EPG5: variants seen among roughly 807,000 people sequenced by gnomAD.
The protein encoded by EPG5 is ectopic P-granules 5 autophagy tethering factor, also known as ectopic P granules protein 5 homolog.
Under a neutral mutation model 302.7 loss-of-function variants are expected in EPG5, and 159 were observed. That is an observed-to-expected ratio of 0.53 (90% CI 0.46 to 0.60). The LOEUF (loss-of-function observed/expected upper bound fraction) is 0.60. Ranked by LOEUF, EPG5 falls within the 20% of genes least tolerant of loss-of-function variation. The pLI, the probability that EPG5 is intolerant of heterozygous loss-of-function variation, is 0.00. For missense variants in EPG5, 2,896 were observed against 3,092.4 expected (o/e 0.94, Z 1.51); for synonymous variants, 1,158 against 1,136.8 (o/e 1.02, Z -0.37).
At chr18:45,874,735 C>T (rs2048936461) in intron 35 of EPG5, among the ~76,000 whole-genome samples, 1 of 152,190 alleles carries the variant, frequency 6.6e-6, no homozygotes. Flanking sequence ...TTCAAGATGA[C>T]ATTTGGGTGG....
chr18:45,846,798 G>T (rs945404661), downstream of EPG5, among the ~76,000 whole-genome samples: 3 of 152,216 alleles, frequency 2.0e-5, no homozygotes, highest in Non-Finnish European at 4.4e-5. Flanking sequence ...CCCGAGGGCT[G>T]CTGGTTGCCC....
At chr18:45,905,345 T>C (rs1456217679) in intron 24 of EPG5, among the ~76,000 whole-genome samples, 2 of 152,234 alleles carry the variant, frequency 1.3e-5, no homozygotes, top group Non-Finnish European at 2.9e-5. Context: ...CCAAAAAATG[T>C]CCTTGGCTTC....
chr18:45,829,167 CCT>C, the EPG5 span: 1 of 985,246 alleles, frequency 1.0e-6, no homozygotes, highest in African/African-American at 1.7e-5. Context: ...TGTGGCCCTG[CCT>C]CTCCATCAGC....
chr18:45,949,683 T>C (rs1286221925), intron 4 of EPG5, 92 bp from the exon 5 acceptor site: 2 of 713,084 alleles, frequency 2.8e-6, no homozygotes, highest in Non-Finnish European at 4.7e-6. Context: ...AGTGCTTCAA[T>C]ACATGCAATC....
intron 11 of EPG5, among the ~76,000 whole-genome samples, chr18:45,931,491 A>C (rs1411104999): frequency 6.6e-6 from 1 of 152,196 alleles, no homozygotes; most frequent in Non-Finnish European, 1.5e-5. Flanking sequence ...ATGACAGTAA[A>C]CTACATGCAA....
the EPG5 span, among the ~76,000 whole-genome samples, chr18:45,826,033 T>C: frequency 2.6e-5 from 4 of 152,198 alleles, no homozygotes; most frequent in Non-Finnish European, 5.9e-5. Flanking sequence ...ATATAAAGGC[T>C]ACTTGCCCCA....
In EPG5 at chr18:45,939,773, T is replaced by C; in HGVS notation, c.1944-18A>G. ...GAGTCATCCTGAGCATGAGGAAAGA[T>C]AATACAGTACTTTTCATTAGCTCAA... On this transcript the variant is annotated intron_variant, in intron 9 of 43. Coordinates refer to ENST00000282041, the MANE Select transcript of EPG5 (RefSeq NM_020964.3). 6.2e-7 allele frequency: 1 copy of C among 1,610,208 alleles called. No individual in the cohort carries two copies. Among genetic ancestry groups the C allele is most frequent in the Non-Finnish European group, 8.5e-7 (1 of 1,178,208 alleles).
chr18:45,901,915 T>C (rs538928318), intron 25 of EPG5, among the ~76,000 whole-genome samples: 1 of 152,174 alleles, frequency 6.6e-6, no homozygotes, highest in Non-Finnish European at 1.5e-5. Context: ...ACAGTAGATA[T>C]CCAATAGATT....
At chr18:45,908,844 G>C (rs531778965) in intron 23 of EPG5, among the ~76,000 whole-genome samples, 216 of 152,116 alleles carry the variant, frequency 1.4e-3, no homozygotes, top group African/African-American at 5.0e-3. Flanking sequence ...AGCTACTCAG[G>C]AGGCTGAGGC....
chr18:45,842,384 CCT>C, the EPG5 span: 1 of 592,964 alleles, frequency 1.7e-6, no homozygotes, highest in Non-Finnish European at 3.0e-6. Flanking sequence ...TTCGGAGCTC[CCT>C]GATATTTTTG....
intron 30 of EPG5, among the ~76,000 whole-genome samples, chr18:45,882,905 G>A (rs1568119467): frequency 6.6e-6 from 1 of 151,656 alleles, no homozygotes; most frequent in Non-Finnish European, 1.5e-5. Flanking sequence ...TACTCAGGAG[G>A]CTGAGACAGG....
chr18:45,964,171 T>C (rs2051202184), intron 1 of EPG5, among the ~76,000 whole-genome samples: 1 of 152,232 alleles, frequency 6.6e-6, no homozygotes, highest in Admixed American at 6.5e-5. Context: ...CTTAAGATTT[T>C]TAACTTTTTA....
chr18:45,858,932 T>C (rs1599427285), intron 40 of EPG5, 150 bp from the exon 41 acceptor site: 2 of 655,908 alleles, frequency 3.0e-6, no homozygotes, highest in East Asian at 2.7e-5. Flanking sequence ...CAACCTTTCT[T>C]ACAGTGACCT....
chr18:45,868,168 A>C lies in EPG5; in HGVS notation c.6226-420T>G, dbSNP rs1211746754. 7.7e-5 allele frequency: 35 copies of C among 456,288 alleles called. No individual in the cohort carries two copies. The Admixed American group carries it at 8.2e-4, about 11-fold the overall frequency. The allele number at this position is 456,288 out of a possible 1,614,324, so 28.3% of individuals were successfully genotyped here. A position where few individuals can be genotyped will look rare whatever the true frequency, so the allele number is the denominator to read the frequency against. On this transcript the variant is annotated intron_variant, in intron 36 of 43. Transcript: ENST00000282041. ...TGCATCAGAACTAAATGGAAGGTATATTAAAACAGACTGCTGGGCCTACCC... is the reference window on the plus strand; with the variant it reads ...TGCATCAGAACTAAATGGAAGGTATCTTAAAACAGACTGCTGGGCCTACCC...
At chr18:45,945,632 C>T (rs373620968) in intron 7 of EPG5, among the ~76,000 whole-genome samples, 2 of 152,040 alleles carry the variant, frequency 1.3e-5, no homozygotes, top group African/African-American at 2.4e-5. Flanking sequence ...ATGCAGGAAA[C>T]CTACCAGAAA....
At chr18:45,897,288 T>C (rs773180526) in intron 27 of EPG5, among the ~76,000 whole-genome samples, 4 of 152,238 alleles carry the variant, frequency 2.6e-5, no homozygotes, top group Non-Finnish European at 4.4e-5. Flanking sequence ...CATTTCTTTA[T>C]AGTTATCTCA....
intron 27 of EPG5, among the ~76,000 whole-genome samples, chr18:45,893,795 T>C (rs1240264703): frequency 1.3e-5 from 2 of 152,176 alleles, no homozygotes; most frequent in Admixed American, 1.3e-4. Context: ...TATTAAGTTG[T>C]TTAAAAGCAA....
the EPG5 span, among the ~76,000 whole-genome samples, chr18:45,806,832 T>C: frequency 6.6e-6 from 1 of 152,002 alleles, no homozygotes; most frequent in African/African-American, 2.4e-5. Flanking sequence ...CAGCTGAACT[T>C]TGAAACAATT....
chr18:45,961,081 C>T (rs2051137577), intron 1 of EPG5, among the ~76,000 whole-genome samples: 1 of 152,172 alleles, frequency 6.6e-6, no homozygotes, highest in East Asian at 1.9e-4. Flanking sequence ...CCTCAGCAAA[C>T]CCTCTTGGCT....
Sources: gnomAD v4.1 joint callset for allele counts (sites outside exome capture counted in the v4.1 genomes callset) on GRCh38, gnomAD v4.1.1 for gene constraint, MANE v1.5 for transcripts, NCBI Gene and HGNC (gene_info 2026-07-23, HGNC 2026-07-21) for gene names.